Variants in SUCLG1 observed in about 807,000 individuals in gnomAD.
SUCLG1 encodes the protein succinate--CoA ligase [ADP/GDP-forming] subunit alpha, mitochondrial.
In SUCLG1, 26 loss-of-function variants were observed where a neutral mutation model predicts 37.3. The observed-to-expected ratio is 0.70, with a 90% CI of 0.51 to 0.97. The LOEUF is 0.97. SUCLG1 is among the 50% of genes least tolerant of loss of function. SUCLG1 has a pLI of 0.00. For missense variants in SUCLG1, 433 were observed against 432.9 expected (o/e 1.00, Z 0.00); for synonymous variants, 163 against 155.6 (o/e 1.05, Z -0.36).
rs1293940632 is a variant in SUCLG1, at chr2:84,423,541, G to C, written c.*205C>G. The C allele has an allele frequency of 3.2e-6, 2 of 618,740 alleles. No individual in the cohort carries two copies. Among genetic ancestry groups the C allele is most frequent in the Non-Finnish European group, 5.8e-6 (2 of 343,636 alleles). The allele number at this position is 618,740 out of a possible 1,614,324, so 38.3% of individuals were successfully genotyped here. A position where few individuals can be genotyped will look rare whatever the true frequency, so the allele number is the denominator to read the frequency against. ...TCCAAAACCATATTGAAATCAAATA[G>C]TAGATTTATTGGCTGTCTCTGTAAT... On this transcript the variant is annotated 3_prime_UTR_variant, in exon 9 of 9. Coordinates refer to ENST00000393868, the MANE Select transcript of SUCLG1 (RefSeq NM_003849.4).
intron 2 of SUCLG1, among the ~76,000 whole-genome samples, chr2:84,448,170 G>GAA (rs60206307): frequency 1.5e-5 from 2 of 137,708 alleles, no homozygotes; most frequent in African/African-American, 5.4e-5. Flanking sequence ...AGTTATTTCA[G>GAA]AAAAAAAAAA....
chr2:84,435,217 C>T (rs1415428758), intron 5 of SUCLG1, among the ~76,000 whole-genome samples: 1 of 152,164 alleles, frequency 6.6e-6, no homozygotes, highest in Admixed American at 6.5e-5. Context: ...CACCATCTGA[C>T]AAAACTTCTA....
intron 1 of SUCLG1, among the ~76,000 whole-genome samples, chr2:84,456,688 G>T (rs1006145090): frequency 2.6e-5 from 4 of 151,998 alleles, no homozygotes; most frequent in African/African-American, 4.8e-5. Flanking sequence ...TTCTGAGACA[G>T]AGTCTCACTC....
At chr2:84,437,545 T>C (rs1672706625) in intron 5 of SUCLG1, among the ~76,000 whole-genome samples, 1 of 152,244 alleles carries the variant, frequency 6.6e-6, no homozygotes, top group African/African-American at 2.4e-5. Flanking sequence ...CACCACCAAA[T>C]GCTGGCAAGG....
chr2:84,431,613 G>A lies in SUCLG1; in HGVS notation c.720C>T (p.Leu240=), dbSNP rs145973147. ...PFNGTDFIDC[L]EIFLNDSATE... is the part of the protein sequence containing the mutation. Reference sequence around the variant, plus strand: ...TGGCAGAATCGTTCAAAAAGATTTCGAGGCAGTCAATAAAATCTGTTCCAT... The same window carrying A: ...TGGCAGAATCGTTCAAAAAGATTTCAAGGCAGTCAATAAAATCTGTTCCAT... The change falls in exon 7 of 9, where the codon CTC becomes CTT. Residue 240 remains leucine, a synonymous_variant. Transcript: ENST00000393868. The A allele has an allele frequency of 2.7e-5, 43 of 1,613,774 alleles. No individual in the cohort carries two copies. Among genetic ancestry groups the A allele is most frequent in the Non-Finnish European group, 3.6e-5 (42 of 1,179,904 alleles).
At chr2:84,440,058 C>T (rs1489909836) in intron 5 of SUCLG1, among the ~76,000 whole-genome samples, 1 of 152,190 alleles carries the variant, frequency 6.6e-6, no homozygotes, top group Non-Finnish European at 1.5e-5. Flanking sequence ...TACCATTTTA[C>T]TCTCAGTAGA....
At chr2:84,451,026 C>G (rs1573375755) in intron 1 of SUCLG1, among the ~76,000 whole-genome samples, 1 of 152,324 alleles carries the variant, frequency 6.6e-6, no homozygotes, top group East Asian at 1.9e-4. Context: ...AGCTAAGCAT[C>G]TGACTCTAGG....
chr2:84,431,449 C>T, intron 7 of SUCLG1, 59 bp downstream of exon 7: 1 of 1,601,244 alleles, frequency 6.2e-7, no homozygotes. Context: ...AAAATAACTT[C>T]TGAAACAAGC....
chr2:84,446,691 C>T (rs1466496432), intron 2 of SUCLG1, among the ~76,000 whole-genome samples: 1 of 150,012 alleles, frequency 6.7e-6, no homozygotes, highest in African/African-American at 2.5e-5. Flanking sequence ...AGAAAAACAA[C>T]AAAAAAAGGA....
chr2:84,453,139 C>T (rs1240633890), intron 1 of SUCLG1, among the ~76,000 whole-genome samples: 1 of 152,016 alleles, frequency 6.6e-6, no homozygotes, highest in Non-Finnish European at 1.5e-5. Flanking sequence ...AGCAATAATA[C>T]AAATTGAATC....
intron 1 of SUCLG1, chr2:84,458,699 A>C: frequency 6.5e-6 from 1 of 153,808 alleles, no homozygotes. Flanking sequence ...CAGAGGGGGA[A>C]TTCGAAGTGC....
chr2:84,445,718 C>T (rs1349785909), intron 2 of SUCLG1, among the ~76,000 whole-genome samples: 2 of 152,212 alleles, frequency 1.3e-5, no homozygotes, highest in East Asian at 1.9e-4. Context: ...AACTCCTCCC[C>T]CTTCTACTGC....
chr2:84,441,170 T>G, intron 4 of SUCLG1, 66 bp from the exon 5 acceptor site: 1 of 1,611,756 alleles, frequency 6.2e-7, no homozygotes, highest in Non-Finnish European at 8.5e-7. Flanking sequence ...TACACACAAA[T>G]ACACTCGCAT....
intron 7 of SUCLG1, among the ~76,000 whole-genome samples, chr2:84,430,034 G>C (rs1672592787): frequency 6.6e-6 from 1 of 152,086 alleles, no homozygotes; most frequent in Admixed American, 6.5e-5. Flanking sequence ...ATAAAAGTTA[G>C]TTCTCAGGTT....
intron 5 of SUCLG1, among the ~76,000 whole-genome samples, chr2:84,440,577 G>A (rs1228829638): frequency 2.6e-5 from 4 of 152,104 alleles, no homozygotes; most frequent in Non-Finnish European, 5.9e-5. Context: ...CAAGAGAAAC[G>A]AAAATGTTTC....
At chr2:84,428,068 CT>C (rs1239670003) in intron 7 of SUCLG1, among the ~76,000 whole-genome samples, 1 of 152,170 alleles carries the variant, frequency 6.6e-6, no homozygotes, top group Non-Finnish European at 1.5e-5. Flanking sequence ...GCCACCTTTC[CT>C]CCCTTTCTCC....
Position 84,423,530 on chromosome 2 carries a change from G to A in SUCLG1, c.*216C>T. The A allele has an allele frequency of 1.7e-6, 1 of 604,484 alleles. No homozygotes were observed. Among genetic ancestry groups the A allele is most frequent in the Non-Finnish European group, 3.0e-6 (1 of 336,326 alleles). The allele number at this position is 604,484 out of a possible 1,614,324, so 37.4% of individuals were successfully genotyped here. A position where few individuals can be genotyped will look rare whatever the true frequency, so the allele number is the denominator to read the frequency against. On this transcript the variant is annotated 3_prime_UTR_variant, in exon 9 of 9. Coordinates refer to ENST00000393868, the MANE Select transcript of SUCLG1 (RefSeq NM_003849.4). ...AATAATAAGCCTCCAAAACCATATT[G>A]AAATCAAATAGTAGATTTATTGGCT...
chr2:84,435,613 A>G (rs190237164), intron 5 of SUCLG1, among the ~76,000 whole-genome samples: 92 of 152,352 alleles, frequency 6.0e-4, no homozygotes, highest in African/African-American at 2.1e-3. Context: ...AGTAAAAACC[A>G]CATCCCTGTG....
chr2:84,428,976 T>C lies in SUCLG1; in HGVS notation c.825+2532A>G, dbSNP rs191764509. Among the ~76,000 whole-genome samples, 475 of 152,254 alleles carry C rather than the reference T, an allele frequency of 3.1e-3. 8 individuals are homozygous for C. The highest frequency in any genetic ancestry group is 0.011 in the African/African-American group (460 of 41,544). ...CTTCCTGTACCAGTTTTCTCATTCATAAAGAAAGAACAAAAACAACTTACC... is the reference window on the plus strand; with the variant it reads ...CTTCCTGTACCAGTTTTCTCATTCACAAAGAAAGAACAAAAACAACTTACC... On this transcript the variant is annotated intron_variant, in intron 7 of 8. Coordinates refer to ENST00000393868, the MANE Select transcript of SUCLG1 (RefSeq NM_003849.4).
Sources: gnomAD v4.1 joint callset for allele counts (sites outside exome capture counted in the v4.1 genomes callset) on GRCh38, gnomAD v4.1.1 for gene constraint, MANE v1.5 for transcripts, NCBI Gene and HGNC (gene_info 2026-07-23, HGNC 2026-07-21) for gene names.